Variants in AGMO observed in about 807,000 individuals in gnomAD.
AGMO encodes the protein glyceryl-ether monooxygenase.
In AGMO, 75 loss-of-function variants were observed where a neutral mutation model predicts 60.2. That is an observed-to-expected ratio of 1.25 (90% CI 1.03 to 1.51). The LOEUF is 1.51. AGMO is among the 40% of genes most tolerant of loss of function. The pLI is 0.00. For synonymous variants in AGMO, 261 were observed against 177.1 expected (o/e 1.47, Z -3.76); for missense variants, 763 against 525.5 (o/e 1.45, Z -4.42).
the AGMO span, among the ~76,000 whole-genome samples, chr7:15,157,919 T>A: frequency 6.6e-6 from 1 of 152,312 alleles, no homozygotes; most frequent in Non-Finnish European, 1.5e-5. Context: ...AACTTACTTG[T>A]GAGTGCTAGT....
chr7:15,260,558 C>T (rs538460639), intron 12 of AGMO, among the ~76,000 whole-genome samples: 3 of 152,040 alleles, frequency 2.0e-5, no homozygotes, highest in African/African-American at 7.2e-5. Context: ...GACAGCAACA[C>T]AATAATAGTG....
intron 12 of AGMO, among the ~76,000 whole-genome samples, chr7:15,248,969 T>C (rs1782850319): frequency 6.6e-6 from 1 of 152,190 alleles, no homozygotes; most frequent in Non-Finnish European, 1.5e-5. Flanking sequence ...TAAATCGGTA[T>C]GCTAAGTGGA....
intron 12 of AGMO, among the ~76,000 whole-genome samples, chr7:15,252,653 G>A (rs565312965): frequency 1.1e-4 from 17 of 152,274 alleles, no homozygotes; most frequent in African/African-American, 3.4e-4. Flanking sequence ...CTGGATGCTC[G>A]ATTGTAGGCT....
At chr7:15,393,329 T>C (rs1053446595) in intron 6 of AGMO, among the ~76,000 whole-genome samples, 2 of 152,236 alleles carry the variant, frequency 1.3e-5, no homozygotes, top group African/African-American at 4.8e-5. Context: ...CAATAGCATT[T>C]ACTTATGTAT....
At chr7:15,118,088 C>A in the AGMO span, among the ~76,000 whole-genome samples, 1 of 150,106 alleles carries the variant, frequency 6.7e-6, no homozygotes, top group African/African-American at 2.5e-5. Flanking sequence ...AAAAGTTGAC[C>A]AACTAAATAT....
intron 12 of AGMO, among the ~76,000 whole-genome samples, chr7:15,332,884 A>G (rs565316386): frequency 2.0e-5 from 3 of 152,264 alleles, no homozygotes; most frequent in East Asian, 1.9e-4. Context: ...TTACAAAATA[A>G]TATCAGTATA....
At chr7:15,459,365 G>C (rs1782077428) in intron 3 of AGMO, among the ~76,000 whole-genome samples, 1 of 152,108 alleles carries the variant, frequency 6.6e-6, no homozygotes, top group South Asian at 2.1e-4. Context: ...TTCTGGGCAG[G>C]AGATCCAGAG....
chr7:15,536,236 G>A (rs1055667787), intron 3 of AGMO, among the ~76,000 whole-genome samples: 1 of 151,640 alleles, frequency 6.6e-6, no homozygotes, highest in Non-Finnish European at 1.5e-5. Context: ...TAGATTAAAC[G>A]GCTCAAATCT....
chr7:15,299,262 T>C (rs919535517), intron 12 of AGMO, among the ~76,000 whole-genome samples: 1 of 152,050 alleles, frequency 6.6e-6, no homozygotes, highest in Admixed American at 6.6e-5. Context: ...ATAAAGGTTA[T>C]TGCTTCAGTG....
intron 12 of AGMO, among the ~76,000 whole-genome samples, chr7:15,283,567 G>A (rs1283860342): frequency 6.6e-6 from 1 of 152,014 alleles, no homozygotes; most frequent in African/African-American, 2.4e-5. Context: ...TAACTCTGGA[G>A]CTGCCAGATT....
chr7:15,322,531 TATAA>T (rs1207751433), intron 12 of AGMO, among the ~76,000 whole-genome samples: 13 of 87,012 alleles, frequency 1.5e-4, no homozygotes, highest in African/African-American at 6.9e-4. Context: ...TATATAAATA[TATAA>T]ATATATATAT....
chr7:15,179,777 G>GGTGGAGGCAGCTATACC, the AGMO span, among the ~76,000 whole-genome samples: 2 of 152,158 alleles, frequency 1.3e-5, no homozygotes, highest in African/African-American at 4.8e-5. Context: ...TTGAAATCCA[G>GGTGGAGGCAGCTATACC]GTGGAGGCAG....
intron 10 of AGMO, among the ~76,000 whole-genome samples, chr7:15,384,172 C>T (rs1258911585): frequency 6.6e-6 from 1 of 152,080 alleles, no homozygotes; most frequent in Non-Finnish European, 1.5e-5. Context: ...CTCCTGACCT[C>T]GTGATCTGCC....
rs182592042 is a variant in AGMO at position 15,546,650 on chromosome 7, C to A, written c.258-1727G>T. Among the ~76,000 whole-genome samples the A allele has an allele frequency of 2.6e-3, 395 of 152,328 alleles. 2 individuals carry two copies. The highest frequency in any genetic ancestry group is 9.0e-3 in the African/African-American group (375 of 41,584). On this transcript the variant is annotated intron_variant, in intron 2 of 12. Coordinates refer to ENST00000342526, the MANE Select transcript of AGMO (RefSeq NM_001004320.2). The stretch of plus-strand genomic sequence containing the variant: ...GTCCACACACAGGTGTGTGAGGTCC[C>A]TCCTGGGGCAGGACAAGCCATGAGG...
At chr7:15,432,361 T>TACACACAC (rs1554271578) in intron 3 of AGMO, among the ~76,000 whole-genome samples, 35,340 of 120,742 alleles carry the variant, frequency 0.29, 6,014 homozygotes, top group Middle Eastern at 0.37. Context: ...CATATATATA[T>TACACACAC]ACACACACAT....
At chr7:15,295,840 C>G (rs946215993) in intron 12 of AGMO, among the ~76,000 whole-genome samples, 11 of 151,988 alleles carry the variant, frequency 7.2e-5, no homozygotes, top group East Asian at 1.9e-4. Context: ...TTTTAACAGT[C>G]AAAATGTTAA....
At chr7:15,515,595 T>A (rs1175857533) in intron 3 of AGMO, among the ~76,000 whole-genome samples, 1 of 152,248 alleles carries the variant, frequency 6.6e-6, no homozygotes, top group African/African-American at 2.4e-5. Flanking sequence ...GAATGCATAT[T>A]TAAATGAAGG....
At chr7:15,462,876 C>T (rs746549518) in intron 3 of AGMO, among the ~76,000 whole-genome samples, 2 of 152,126 alleles carry the variant, frequency 1.3e-5, no homozygotes. Context: ...AAAGTATCTT[C>T]TAAAACTCAA....
At position 15,252,645 on chromosome 7, in the gene AGMO, G is replaced by A. The variant is rs896715551; in HGVS notation, c.1264-51286C>T. Among the ~76,000 whole-genome samples the A allele has an allele frequency of 4.0e-4, 61 of 152,158 alleles. 3 individuals are homozygous for A. Among genetic ancestry groups the A allele is most frequent in the Non-Finnish European group, 1.2e-4 (8 of 68,012 alleles). On this transcript the variant is annotated intron_variant, in intron 12 of 12. Coordinates refer to ENST00000342526, the MANE Select transcript of AGMO (RefSeq NM_001004320.2). Reference sequence around the variant, plus strand: ...AAGCCTCAGATACGACCACAGCTCTGGATGCTCGATTGTAGGCTTACAGAG... The same window carrying A: ...AAGCCTCAGATACGACCACAGCTCTAGATGCTCGATTGTAGGCTTACAGAG...
Sources: gnomAD v4.1 joint callset for allele counts (sites outside exome capture counted in the v4.1 genomes callset) on GRCh38, gnomAD v4.1.1 for gene constraint, MANE v1.5 for transcripts, NCBI Gene and HGNC (gene_info 2026-07-23, HGNC 2026-07-21) for gene names.